Variants in FAM227B observed in about 807,000 individuals in gnomAD.
The protein encoded by FAM227B is family with sequence similarity 227 member B.
A neutral mutation model predicts 73.8 loss-of-function variants in FAM227B; 88 were observed. The observed-to-expected ratio is 1.19, with a 90% confidence interval of 1.00 to 1.42. The LOEUF is 1.42. FAM227B is among the 40% of genes most tolerant of loss of function. The pLI is 0.00. For synonymous variants in FAM227B, 210 were observed against 190.5 expected, an observed-to-expected ratio of 1.10 and a Z score of -0.84; for missense variants, 632 against 590.9, an observed-to-expected ratio of 1.07 and a Z score of -0.72.
At chr15:49,542,257 TA>T (rs1439334574) in intron 9 of FAM227B, among the ~76,000 whole-genome samples, 1 of 152,140 alleles carries the variant, frequency 6.6e-6, no homozygotes, top group Non-Finnish European at 1.5e-5. Flanking sequence ...ATTGAGAAAG[TA>T]AGTCTGAGTC....
chr15:49,329,828 C>T (rs571510838), intron 15 of FAM227B: 1 of 583,044 alleles, frequency 1.7e-6, no homozygotes, highest in Non-Finnish European at 2.1e-6. Flanking sequence ...AAAAAAGGCA[C>T]CTGTCATTGT....
At chr15:49,539,816 GA>G (rs2070802132) in intron 10 of FAM227B, among the ~76,000 whole-genome samples, 1 of 152,322 alleles carries the variant, frequency 6.6e-6, no homozygotes, top group Non-Finnish European at 1.5e-5. Flanking sequence ...TGTAGAGCTA[GA>G]ATTTAAAGTG....
intron 10 of FAM227B, among the ~76,000 whole-genome samples, chr15:49,539,688 G>C (rs1598023411): frequency 6.6e-6 from 1 of 152,328 alleles, no homozygotes; most frequent in Non-Finnish European, 1.5e-5. Flanking sequence ...TGTTGCCCTA[G>C]GATCTGGGGT....
At chr15:49,487,264 G>A (rs1220858422) in intron 11 of FAM227B, 4 of 151,748 alleles carry the variant, frequency 2.6e-5, no homozygotes, top group Admixed American at 6.6e-5. Context: ...TATAAGCAGA[G>A]TAAGCCTTTT....
chr15:49,516,262 G>A (rs573969434), intron 10 of FAM227B, among the ~76,000 whole-genome samples: 1 of 152,082 alleles, frequency 6.6e-6, no homozygotes, highest in East Asian at 1.9e-4. Context: ...TTTCTTATGA[G>A]GTCCATGGTG....
At chr15:49,386,767 AG>A in intron 11 of FAM227B, among the ~76,000 whole-genome samples, 1 of 151,898 alleles carries the variant, frequency 6.6e-6, no homozygotes. Flanking sequence ...AGATTAACCA[AG>A]AAGAGGGAAG....
intron 11 of FAM227B, among the ~76,000 whole-genome samples, chr15:49,447,949 T>C (rs1048989950): frequency 1.3e-5 from 2 of 151,756 alleles, no homozygotes; most frequent in Admixed American, 6.6e-5. Context: ...ATCTAGCTTT[T>C]ACTTCTGCAA....
intron 9 of FAM227B, among the ~76,000 whole-genome samples, chr15:49,543,646 T>TAAC (rs543432254): frequency 1.5e-3 from 224 of 152,300 alleles, no homozygotes; most frequent in Non-Finnish European, 2.3e-3. Context: ...AGGTCTTAGT[T>TAAC]TAAGTCTTTG....
At chr15:49,415,535 AAC>A (rs2049153542) in intron 11 of FAM227B, among the ~76,000 whole-genome samples, 1 of 152,158 alleles carries the variant, frequency 6.6e-6, no homozygotes, top group South Asian at 2.1e-4. Flanking sequence ...AAAAAACCCA[AAC>A]TAGTAGCTCC....
chr15:49,538,926 A>G (rs1381652714), intron 10 of FAM227B, among the ~76,000 whole-genome samples: 1 of 132,362 alleles, frequency 7.6e-6, no homozygotes, highest in Non-Finnish European at 1.6e-5. Flanking sequence ...CTTTATCAGG[A>G]AATTGTTGAG....
At chr15:49,513,099 T>C (rs1043322475) in intron 10 of FAM227B, among the ~76,000 whole-genome samples, 3 of 152,234 alleles carry the variant, frequency 2.0e-5, no homozygotes, top group African/African-American at 7.2e-5. Context: ...GAATGATTTA[T>C]ATTCCTTTGG....
At chr15:49,551,393 T>C in intron 9 of FAM227B, among the ~76,000 whole-genome samples, 1 of 152,248 alleles carries the variant, frequency 6.6e-6, no homozygotes, top group Admixed American at 6.5e-5. Context: ...TGTATTTAAG[T>C]CTATTTTGTC....
intron 9 of FAM227B, among the ~76,000 whole-genome samples, chr15:49,564,435 A>C (rs2074482013): frequency 6.6e-6 from 1 of 152,222 alleles, no homozygotes; most frequent in Admixed American, 6.5e-5. Flanking sequence ...GAGATTTCTC[A>C]AATAACTTAA....
intron 11 of FAM227B, among the ~76,000 whole-genome samples, chr15:49,456,375 C>G (rs1042646826): frequency 2.6e-5 from 4 of 151,986 alleles, no homozygotes; most frequent in Non-Finnish European, 5.9e-5. Context: ...TCTTATATGA[C>G]AAGTCATTTC....
intron 13 of FAM227B, among the ~76,000 whole-genome samples, chr15:49,337,788 T>G (rs2151195958): frequency 6.6e-6 from 1 of 152,070 alleles, no homozygotes; most frequent in African/African-American, 2.4e-5. Flanking sequence ...TCTGTTCTTG[T>G]GTTAGTTTGC....
intron 11 of FAM227B, among the ~76,000 whole-genome samples, chr15:49,455,322 ATC>A (rs1597311102): frequency 2.0e-5 from 3 of 152,208 alleles, no homozygotes. Context: ...TAGCATGAAA[ATC>A]AAGGTCAATC....
chr15:49,619,281 A>C (rs961897947), intron 1 of FAM227B, among the ~76,000 whole-genome samples: 13 of 152,222 alleles, frequency 8.5e-5, no homozygotes, highest in Admixed American at 7.9e-4. Context: ...CTTTGAGAAG[A>C]GGGATCTATG....
intron 11 of FAM227B, among the ~76,000 whole-genome samples, chr15:49,503,169 T>C (rs1204543930): frequency 6.6e-6 from 1 of 152,048 alleles, no homozygotes; most frequent in Non-Finnish European, 1.5e-5. Context: ...AAACAAGAAA[T>C]GGGGGAAGGA....
intron 11 of FAM227B, among the ~76,000 whole-genome samples, chr15:49,410,069 A>G (rs980345351): frequency 6.6e-6 from 1 of 152,094 alleles, no homozygotes; most frequent in Non-Finnish European, 1.5e-5. Context: ...TAATGCTGGC[A>G]CTAGAATTAT....
Sources: allele counts gnomAD v4.1 joint callset (sites outside exome capture counted in the v4.1 genomes callset), GRCh38; gene constraint gnomAD v4.1.1; transcripts MANE v1.5; gene names NCBI Gene and HGNC (gene_info 2026-07-23, HGNC 2026-07-21).